NCKAP5: variants seen among roughly 807,000 people sequenced by gnomAD.
NCKAP5 encodes the protein NCK associated protein 5.
NCKAP5 carries 92 observed loss-of-function variants against 167.0 expected under a neutral mutation model. The ratio of observed to expected loss-of-function variants is 0.55; its 90% confidence interval spans 0.47 to 0.66. The LOEUF is 0.66. NCKAP5 is among the 30% of genes least tolerant of loss of function. The probability of loss-of-function intolerance (pLI) is 0.00; values close to 1 mark genes in which losing one functional copy is unlikely to be tolerated. For synonymous variants in NCKAP5, 891 were observed against 877.4 expected (o/e 1.02, Z -0.27); for missense variants, 2,378 against 2,315.0 (o/e 1.03, Z -0.56).
intron 4 of NCKAP5, among the ~76,000 whole-genome samples, chr2:133,294,680 C>T (rs1287926971): frequency 6.6e-6 from 1 of 152,106 alleles, no homozygotes; most frequent in Non-Finnish European, 1.5e-5. Flanking sequence ...GAGCATGGAT[C>T]ATTTTATTTC....
rs138019602 is a variant in NCKAP5, at chr2:132,734,194, T to G, written c.5129-2143A>C. 1.3e-3 allele frequency among the ~76,000 whole-genome samples: 202 copies of G among 152,334 alleles called. 1 individual carries two copies. Among genetic ancestry groups the G allele is most frequent in the African/African-American group, 4.5e-3 (188 of 41,582 alleles). On this transcript the variant is annotated intron_variant, in intron 16 of 19. Transcript: ENST00000409261. ...TCCTCAATTAAGGGTATTTAATTGT[T>G]ATAGAATGGTGTTTTTGAGAAAGGA... is the stretch of plus-strand genomic sequence containing the variant.
intron 5 of NCKAP5, among the ~76,000 whole-genome samples, chr2:133,184,862 T>C (rs1025863240): frequency 4.6e-5 from 7 of 152,198 alleles, no homozygotes; most frequent in African/African-American, 1.7e-4. Flanking sequence ...ATTCTGGATA[T>C]TAGACCTTCG....
intron 6 of NCKAP5, among the ~76,000 whole-genome samples, chr2:133,108,330 C>A (rs561887402): frequency 4.6e-5 from 7 of 152,300 alleles, no homozygotes; most frequent in African/African-American, 1.4e-4. Context: ...ATACCAGCAT[C>A]CCAGGATAGC....
intron 5 of NCKAP5, among the ~76,000 whole-genome samples, chr2:133,134,625 A>G (rs1239331490): frequency 6.6e-6 from 1 of 152,228 alleles, no homozygotes; most frequent in Admixed American, 6.5e-5. Flanking sequence ...AATCAAACAT[A>G]CAAAGAGAAA....
chr2:133,285,178 G>A (rs1403554926), intron 4 of NCKAP5, among the ~76,000 whole-genome samples: 1 of 152,138 alleles, frequency 6.6e-6, no homozygotes, highest in Non-Finnish European at 1.5e-5. Flanking sequence ...TGCTTTCTCT[G>A]TGAAAATATC....
chr2:132,704,572 GT>G (rs1292307774), intron 19 of NCKAP5, among the ~76,000 whole-genome samples: 2 of 152,102 alleles, frequency 1.3e-5, no homozygotes, highest in Non-Finnish European at 2.9e-5. Context: ...GCACCTCCTG[GT>G]TTATCTGCTT....
chr2:133,214,997 T>A (rs1164912598), intron 4 of NCKAP5, among the ~76,000 whole-genome samples: 1 of 152,200 alleles, frequency 6.6e-6, no homozygotes, highest in Non-Finnish European at 1.5e-5. Flanking sequence ...AGCTGGGCAG[T>A]CTTTTAGTAG....
intron 3 of NCKAP5, among the ~76,000 whole-genome samples, chr2:133,485,857 T>C (rs187769436): frequency 7.7e-4 from 118 of 152,352 alleles, no homozygotes; most frequent in African/African-American, 2.8e-3. Context: ...GCAACACTTG[T>C]AACTTTCCAG....
At chr2:133,468,991 G>C (rs1181507880) in intron 3 of NCKAP5, among the ~76,000 whole-genome samples, 1 of 151,942 alleles carries the variant, frequency 6.6e-6, no homozygotes, top group East Asian at 1.9e-4. Context: ...CTTTTAATTG[G>C]AGCATTTAGT....
intron 16 of NCKAP5, among the ~76,000 whole-genome samples, chr2:132,747,307 G>A (rs769455202): frequency 2.6e-5 from 4 of 152,178 alleles, no homozygotes; most frequent in Admixed American, 6.5e-5. Flanking sequence ...TGAAAGTGGT[G>A]TTGGCAAGAA....
At chr2:132,860,644 CAT>C (rs773121626) in intron 10 of NCKAP5, 33 bp from the exon 11 acceptor site, 2 of 1,549,900 alleles carry the variant, frequency 1.3e-6, no homozygotes, top group Non-Finnish European at 1.7e-6. Context: ...GGAAAAAGTC[CAT>C]AACTGAAAGA....
chr2:132,884,914 C>T (rs1439035120), intron 8 of NCKAP5, among the ~76,000 whole-genome samples: 1 of 152,130 alleles, frequency 6.6e-6, no homozygotes, highest in Non-Finnish European at 1.5e-5. Context: ...GTCATTATAC[C>T]GTTTACATTA....
chr2:132,730,693 T>C (rs1458521725), intron 17 of NCKAP5, among the ~76,000 whole-genome samples: 1 of 152,238 alleles, frequency 6.6e-6, no homozygotes, highest in Non-Finnish European at 1.5e-5. Context: ...CATATGTGAC[T>C]ATTCAGGCAT....
chr2:133,381,998 G>C (rs963980845), intron 3 of NCKAP5, among the ~76,000 whole-genome samples: 1 of 152,156 alleles, frequency 6.6e-6, no homozygotes. Flanking sequence ...ATCTCCCCAA[G>C]GTATTCCAAT....
chr2:133,537,148 T>A (rs1217193785), intron 2 of NCKAP5, among the ~76,000 whole-genome samples: 1 of 152,124 alleles, frequency 6.6e-6, no homozygotes, highest in Non-Finnish European at 1.5e-5. Flanking sequence ...ATTCTCTACC[T>A]GTGATGTATA....
chr2:133,203,537 A>G (rs2085802263), intron 5 of NCKAP5, among the ~76,000 whole-genome samples: 3 of 152,148 alleles, frequency 2.0e-5, no homozygotes, highest in African/African-American at 7.2e-5. Context: ...CTTAAAGTAT[A>G]ATAATTAAAA....
At chr2:133,259,752 C>T (rs1227990105) in intron 4 of NCKAP5, among the ~76,000 whole-genome samples, 1 of 152,178 alleles carries the variant, frequency 6.6e-6, no homozygotes, top group Admixed American at 6.5e-5. Context: ...CACAACGATT[C>T]ATAGGAAGAG....
At chr2:133,506,744 C>G (rs1034280270) in intron 3 of NCKAP5, among the ~76,000 whole-genome samples, 6 of 152,132 alleles carry the variant, frequency 3.9e-5, no homozygotes, top group African/African-American at 1.4e-4. Flanking sequence ...CTATATCCTG[C>G]CACCCCTTTT....
intron 11 of NCKAP5, among the ~76,000 whole-genome samples, chr2:132,816,470 CT>C (rs1209884328): frequency 1.3e-5 from 2 of 152,110 alleles, no homozygotes; most frequent in African/African-American, 2.4e-5. Context: ...ATTTCCTTTC[CT>C]TTCTCCACAG....
Sources: allele counts gnomAD v4.1 joint callset (sites outside exome capture counted in the v4.1 genomes callset), GRCh38; gene constraint gnomAD v4.1.1; transcripts MANE v1.5; gene names NCBI Gene and HGNC (gene_info 2026-07-23, HGNC 2026-07-21).